ADAMTSL1: variants seen among roughly 807,000 people sequenced by gnomAD.
The protein encoded by ADAMTSL1 is ADAMTS like 1, also known as ADAMTS-like protein 1.
ADAMTSL1 carries 126 observed loss-of-function variants against 201.8 expected under a neutral mutation model. The ratio of observed to expected loss-of-function variants is 0.62; its 90% confidence interval spans 0.54 to 0.72. The LOEUF (loss-of-function observed/expected upper bound fraction) is 0.72, where lower values mean the gene tolerates loss of function less well. ADAMTSL1 is among the 30% of genes least tolerant of loss of function. ADAMTSL1 has a pLI of 0.00. For synonymous variants in ADAMTSL1, 1,121 were observed against 903.4 expected (o/e 1.24, Z -4.32); for missense variants, 2,679 against 2,277.8 (o/e 1.18, Z -3.59).
intron 1 of ADAMTSL1, among the ~76,000 whole-genome samples, chr9:18,496,260 CT>C (rs1295806907): frequency 6.6e-6 from 1 of 152,176 alleles, no homozygotes; most frequent in African/African-American, 2.4e-5. Flanking sequence ...TATCATTCCA[CT>C]TTTTCTGAGT....
At chr9:18,367,982 C>A (rs1173437261) in intron 2 of ADAMTSL1, among the ~76,000 whole-genome samples, 4 of 152,084 alleles carry the variant, frequency 2.6e-5, no homozygotes, top group African/African-American at 9.7e-5. Context: ...TCACTACAAG[C>A]TCCGCCTCCC....
chr9:18,222,429 C>T (rs1830294322), intron 2 of ADAMTSL1, among the ~76,000 whole-genome samples: 1 of 151,718 alleles, frequency 6.6e-6, no homozygotes, highest in African/African-American at 2.4e-5. Context: ...TTGTGACATA[C>T]ATATTTAAAT....
intron 2 of ADAMTSL1, among the ~76,000 whole-genome samples, chr9:18,367,827 A>G (rs1836842198): frequency 6.6e-6 from 1 of 151,766 alleles, no homozygotes; most frequent in Non-Finnish European, 1.5e-5. Context: ...GGGTGGATGG[A>G]TGGGCGGGCA....
At chr9:18,474,069 C>CA, upstream of ADAMTSL1, 1 of 578,360 alleles carries the variant, frequency 1.7e-6, no homozygotes. Flanking sequence ...GCTTACCCCC[C>CA]ACCCATCCAC....
chr9:18,199,417 A>T (rs1347941836), intron 2 of ADAMTSL1, among the ~76,000 whole-genome samples: 2 of 152,154 alleles, frequency 1.3e-5, no homozygotes, highest in African/African-American at 4.8e-5. Context: ...ACAATTGATC[A>T]CTAAATGGAG....
At chr9:18,574,575 C>G (rs563252040) in intron 4 of ADAMTSL1, 8 of 498,156 alleles carry the variant, frequency 1.6e-5, no homozygotes, top group African/African-American at 4.4e-5. Flanking sequence ...ATTGGCTATT[C>G]CTGAAGTGTG....
chr9:18,894,280 G>A (rs1048986738), intron 26 of ADAMTSL1, among the ~76,000 whole-genome samples: 24 of 151,698 alleles, frequency 1.6e-4, no homozygotes, highest in Admixed American at 1.2e-3. Flanking sequence ...AGAGGTTGAA[G>A]CTGCAACGAG....
intron 10 of ADAMTSL1, among the ~76,000 whole-genome samples, chr9:18,679,281 A>C (rs887014003): frequency 1.3e-4 from 20 of 152,330 alleles, no homozygotes; most frequent in African/African-American, 3.4e-4. Context: ...TTAAAATTAT[A>C]TCTCTCATAA....
chr9:18,039,623 A>G (rs1821351705), intron 1 of ADAMTSL1, among the ~76,000 whole-genome samples: 1 of 152,284 alleles, frequency 6.6e-6, no homozygotes, highest in African/African-American at 2.4e-5. Flanking sequence ...TTCCAAGCCT[A>G]TTACTGGTGG....
At chr9:17,949,850 A>AC (rs1404854685) in intron 1 of ADAMTSL1, among the ~76,000 whole-genome samples, 4 of 152,060 alleles carry the variant, frequency 2.6e-5, no homozygotes, top group Admixed American at 6.6e-5. Flanking sequence ...TAAATGTAGA[A>AC]CCACTCTTTG....
At chr9:18,166,194 C>G (rs1025992484) in intron 2 of ADAMTSL1, among the ~76,000 whole-genome samples, 18 of 151,942 alleles carry the variant, frequency 1.2e-4, no homozygotes, top group African/African-American at 4.3e-4. Flanking sequence ...AGCAGCTCTG[C>G]TCCTTGAAGA....
At chr9:18,199,528 T>A (rs879941034) in intron 2 of ADAMTSL1, among the ~76,000 whole-genome samples, 5 of 152,096 alleles carry the variant, frequency 3.3e-5, no homozygotes, top group Non-Finnish European at 5.9e-5. Context: ...GACCTAAGAT[T>A]ATGAAGTTAT....
chr9:18,277,497 A>G (rs771991299), intron 2 of ADAMTSL1, among the ~76,000 whole-genome samples: 3 of 152,116 alleles, frequency 2.0e-5, no homozygotes, highest in Non-Finnish European at 2.9e-5. Context: ...TATTGTCTTG[A>G]TGAGTTGACT....
chr9:18,822,985 A>G (rs981417091), intron 21 of ADAMTSL1, among the ~76,000 whole-genome samples: 3 of 152,190 alleles, frequency 2.0e-5, no homozygotes, highest in African/African-American at 7.2e-5. Context: ...AAACTTTATA[A>G]CACCTCAATT....
intron 1 of ADAMTSL1, among the ~76,000 whole-genome samples, chr9:18,149,267 A>T (rs542369080): frequency 1.3e-5 from 2 of 152,156 alleles, no homozygotes; most frequent in South Asian, 4.2e-4. Context: ...CGCAAGTCAG[A>T]TGGAACTGAA....
intron 1 of ADAMTSL1, among the ~76,000 whole-genome samples, chr9:17,985,277 C>T (rs1818879167): frequency 1.3e-5 from 2 of 152,054 alleles, no homozygotes; most frequent in Admixed American, 6.6e-5. Context: ...AATCTTCTTT[C>T]CTCTTTTTCA....
At chr9:18,481,309 C>T (rs1821716726) in intron 1 of ADAMTSL1, among the ~76,000 whole-genome samples, 1 of 152,030 alleles carries the variant, frequency 6.6e-6, no homozygotes, top group South Asian at 2.1e-4. Flanking sequence ...CTCTGGGAGG[C>T]CGAGGAGGGT....
chr9:18,507,501 A>G (rs1200192021), intron 2 of ADAMTSL1, among the ~76,000 whole-genome samples: 1 of 152,240 alleles, frequency 6.6e-6, no homozygotes, highest in Non-Finnish European at 1.5e-5. Context: ...TTTTTAAAAT[A>G]TTAGTTGGTG....
At position 18,909,830 on chromosome 9, in the gene ADAMTSL1, T is replaced by A. The variant is rs918724480; in HGVS notation, c.*1282T>A. The stretch of plus-strand genomic sequence containing the variant: ...GTATTTATCTAGCAAGGCGGGGTGG[T>A]GGAGGCAGCACCCTGGCAAAGCAGC... On this transcript the variant is annotated 3_prime_UTR_variant, in exon 29 of 29. Transcript: ENST00000380548. 3 of 152,114 alleles carry A rather than the reference T, an allele frequency of 2.0e-5. No homozygotes were observed. Among genetic ancestry groups the A allele is most frequent in the Non-Finnish European group, 4.4e-5 (3 of 68,062 alleles). The allele number at this position is 152,114 out of a possible 1,614,324, so 9.4% of individuals were successfully genotyped here. A position where few individuals can be genotyped will look rare whatever the true frequency, so the allele number is the denominator to read the frequency against.
Sources: allele counts gnomAD v4.1 joint callset (sites outside exome capture counted in the v4.1 genomes callset), GRCh38; gene constraint gnomAD v4.1.1; transcripts MANE v1.5; gene names NCBI Gene and HGNC (gene_info 2026-07-23, HGNC 2026-07-21).